The following VIL1 variants were observed in gnomAD, a reference collection of about 807,000 sequenced individuals.
The protein encoded by VIL1 is villin 1, also known as villin-1.
In VIL1, 86 loss-of-function variants were observed where a neutral mutation model predicts 104.0. That is an observed-to-expected ratio of 0.83 (90% CI 0.69 to 0.99). The LOEUF is 0.99. Among genes scored for constraint, VIL1 ranks in the 50% least tolerant of loss-of-function variants. The pLI, the probability that VIL1 is intolerant of heterozygous loss-of-function variation, is 0.00. For missense variants in VIL1, 944 were observed against 1,054.1 expected (o/e 0.90, Z 1.45); for synonymous variants, 394 against 412.6 (o/e 0.95, Z 0.55).
chr2:218,428,773 G>T (rs1428514242), intron 6 of VIL1, among the ~76,000 whole-genome samples: 1 of 152,218 alleles, frequency 6.6e-6, no homozygotes, highest in African/African-American at 2.4e-5. Context: ...CTGGGTTCAA[G>T]TGATTCTCCT....
intron 1 of VIL1, among the ~76,000 whole-genome samples, chr2:218,422,015 A>G (rs1445940564): frequency 2.6e-5 from 4 of 152,080 alleles, no homozygotes; most frequent in Non-Finnish European, 4.4e-5. Flanking sequence ...GCAATTTAGG[A>G]GGCTGAGGCG....
rs1331977654 is a variant in VIL1, at chr2:218,453,282, AGAT to A, written c.*3948_*3950del. On this transcript the variant is annotated 3_prime_UTR_variant, in exon 20 of 20. Coordinates refer to ENST00000248444, the MANE Select transcript of VIL1 (RefSeq NM_007127.3). The stretch of plus-strand genomic sequence containing the variant: ...GTTTTTGTTTTCGTTTTTTTTAATG[AGAT>A]GGAGTCTCACTCTGTCACTCAGACT... The A allele has an allele frequency of 6.6e-6, 1 of 151,816 alleles. No individual in the cohort carries two copies. The highest frequency in any genetic ancestry group is 1.5e-5 in the Non-Finnish European group (1 of 67,980). The allele number at this position is 151,816 out of a possible 1,614,324, so 9.4% of individuals were successfully genotyped here.
At chr2:218,435,523 A>G in intron 15 of VIL1, 89 bp downstream of exon 15, 1 of 1,507,158 alleles carries the variant, frequency 6.6e-7, no homozygotes. Context: ...TACAGCAGGC[A>G]TGGACTGAGG....
At position 218,434,522 on chromosome 2, in the gene VIL1, G is replaced by A. The variant is rs1393030029; in HGVS notation, c.1501-4G>A. 2.5e-6 allele frequency: 4 copies of A among 1,608,452 alleles called. No individual in the cohort carries two copies. Among genetic ancestry groups the A allele is most frequent in the Non-Finnish European group, 3.4e-6 (4 of 1,177,522 alleles). The stretch of plus-strand genomic sequence containing the variant: ...CTCTCCCTGTCTTCTGCCCTCACCT[G>A]CAGGGAGGCACCTCCCGAACTAACA... On this transcript the variant is annotated splice_polypyrimidine_tract_variant and splice_region_variant and intron_variant, in intron 13 of 19. Transcript: ENST00000248444.
At position 218,429,480 on chromosome 2, in the gene VIL1, CTG is replaced by C; in HGVS notation, c.765_766del (p.Tyr256ProfsTer4). ...VEPALKAALKLYHVSDSEGNL... is the reference protein window; with the variant it reads ...VEPALKAALKXYHVSDSEGNL... ...GCCGGCACTCAAGGCTGCACTCAAA[CTG>C]TACCAGTGAGCGCCCAGCGGGGTCT... is the stretch of plus-strand genomic sequence containing the variant. On this transcript the variant is annotated frameshift_variant, in exon 7 of 20. Coordinates refer to ENST00000248444, the MANE Select transcript of VIL1 (RefSeq NM_007127.3). LOFTEE classifies it high-confidence loss of function. 3 of 1,613,944 alleles carry C rather than the reference CTG, an allele frequency of 1.9e-6. No homozygotes were observed. The highest frequency in any genetic ancestry group is 2.5e-6 in the Non-Finnish European group (3 of 1,179,966).
intron 1 of VIL1, among the ~76,000 whole-genome samples, chr2:218,420,428 CA>C (rs71064447): frequency 0.014 from 1,138 of 80,184 alleles, 9 homozygotes; most frequent in African/African-American, 0.057. Context: ...GACTCTGTCT[CA>C]AAAAAAAAAA....
At chr2:218,439,648 ATCTT>A (rs1265019168) in intron 18 of VIL1, among the ~76,000 whole-genome samples, 3 of 151,956 alleles carry the variant, frequency 2.0e-5, no homozygotes, top group Non-Finnish European at 2.9e-5. Flanking sequence ...GGGAAACCCC[ATCTT>A]TACAAAAAAT....
intron 18 of VIL1, 26 bp from the exon 19 acceptor site, chr2:218,440,696 A>G (rs2106396285): frequency 6.2e-7 from 1 of 1,613,582 alleles, no homozygotes; most frequent in South Asian, 1.1e-5. Context: ...AGCTAAAGTA[A>G]CCAGTGGTTT....
chr2:218,439,361 T>C (rs1453397110), intron 18 of VIL1, among the ~76,000 whole-genome samples: 1 of 152,188 alleles, frequency 6.6e-6, no homozygotes, highest in African/African-American at 2.4e-5. Context: ...AATTGGCACC[T>C]AGGAATCTGC....
intron 19 of VIL1, among the ~76,000 whole-genome samples, chr2:218,448,322 T>G (rs1689400053): frequency 6.6e-6 from 1 of 152,064 alleles, no homozygotes; most frequent in African/African-American, 2.4e-5. Flanking sequence ...CCCAGCATTT[T>G]GGGAGGTCAA....
chr2:218,443,065 C>T (rs1360157998), intron 19 of VIL1, among the ~76,000 whole-genome samples: 10 of 152,104 alleles, frequency 6.6e-5, no homozygotes, highest in Non-Finnish European at 1.3e-4. Flanking sequence ...CTGTTCTACA[C>T]CTGAGAAAAC....
At chr2:218,448,900 G>A (rs961517186) in intron 19 of VIL1, among the ~76,000 whole-genome samples, 2 of 151,932 alleles carry the variant, frequency 1.3e-5, no homozygotes, top group Non-Finnish European at 2.9e-5. Context: ...AGCTACTTGG[G>A]AGGCTGAGGC....
Position 218,432,174 on chromosome 2 carries a change from C to A in VIL1, c.1332C>A (p.Tyr444Ter), listed in dbSNP as rs144272948. 3.1e-6 allele frequency: 5 copies of A among 1,612,740 alleles called. No individual in the cohort carries two copies. The highest frequency in any genetic ancestry group is 1.7e-5 in the Admixed American group (1 of 59,968). ...GCGAGAAGCAGCATTACCTGCTCTACGTTTGGCAGGTCAGGTCCCGCCACG... is the reference window on the plus strand; with the variant it reads ...GCGAGAAGCAGCATTACCTGCTCTAAGTTTGGCAGGTCAGGTCCCGCCACG... ...LIGEKQHYLL[Y>*]VWQGSQASQD... is the part of the protein sequence containing the mutation. The change falls in exon 12 of 20, where the codon TAC becomes TAA. Residue 444 changes from tyrosine (Y) to a stop codon, truncating the protein, a stop_gained. Coordinates refer to ENST00000248444, the MANE Select transcript of VIL1 (RefSeq NM_007127.3). LOFTEE classifies it high-confidence loss of function.
At position 218,424,330 on chromosome 2, in the gene VIL1, T is replaced by G; in HGVS notation, c.129T>G (p.Gly43=). 2 of 1,613,966 alleles carry G rather than the reference T, an allele frequency of 1.2e-6. No individual in the cohort carries two copies. Among genetic ancestry groups the G allele is most frequent in the Non-Finnish European group, 1.7e-6 (2 of 1,180,010 alleles). ...GCACCTTTGGAAGCTTCTTCGATGG[T>G]GACTGCTACATCATCCTGGCTGTGA... The part of the protein sequence containing the change: ...PSSTFGSFFD[G]DCYIILAIHK... The change falls in exon 3 of 20, where the codon GGT becomes GGG. Residue 43 remains glycine, a synonymous_variant. Coordinates refer to ENST00000248444, the MANE Select transcript of VIL1 (RefSeq NM_007127.3).
chr2:218,431,057 G>A (rs777496525), intron 10 of VIL1, 179 bp downstream of exon 10: 21 of 843,878 alleles, frequency 2.5e-5, no homozygotes, highest in South Asian at 1.6e-4. Flanking sequence ...CACAAAAAGG[G>A]AGCTGAGAGG....
At chr2:218,419,438 T>A (rs765589664) in intron 1 of VIL1, among the ~76,000 whole-genome samples, 1 of 152,042 alleles carries the variant, frequency 6.6e-6, no homozygotes, top group Non-Finnish European at 1.5e-5. Flanking sequence ...GGTGTCACCA[T>A]CCCAATTGCC....
At chr2:218,437,951 C>T (rs1689223995) in intron 17 of VIL1, among the ~76,000 whole-genome samples, 1 of 152,184 alleles carries the variant, frequency 6.6e-6, no homozygotes, top group Non-Finnish European at 1.5e-5. Flanking sequence ...CCTGGTGGCT[C>T]TGGGTGCTCT....
chr2:218,439,759 G>A (rs1043779208), intron 18 of VIL1, among the ~76,000 whole-genome samples: 5 of 137,850 alleles, frequency 3.6e-5, no homozygotes, highest in South Asian at 4.9e-4. Context: ...AGAGGTTGCA[G>A]TTAGCTGAAA....
At chr2:218,430,045 G>C (rs567709397) in intron 9 of VIL1, 98 bp downstream of exon 9, 1 of 1,105,130 alleles carries the variant, frequency 9.0e-7, no homozygotes, top group African/African-American at 1.5e-5. Context: ...CTCAGACCAG[G>C]GCATAGTGCC....
Sources: gnomAD v4.1 joint callset for allele counts (sites outside exome capture counted in the v4.1 genomes callset) on GRCh38, gnomAD v4.1.1 for gene constraint, MANE v1.5 for transcripts, NCBI Gene and HGNC (gene_info 2026-07-23, HGNC 2026-07-21) for gene names.